The following REG1A variants were observed in gnomAD, a reference collection of about 807,000 sequenced individuals.
The protein encoded by REG1A is regenerating family member 1 alpha, also known as lithostathine-1-alpha.
Under a neutral mutation model 20.7 loss-of-function variants are expected in REG1A, and 20 were observed. That is an observed-to-expected ratio of 0.97 (90% CI 0.68 to 1.41). The LOEUF is 1.41. REG1A is among the 40% of genes most tolerant of loss of function. The pLI, the probability that REG1A is intolerant of heterozygous loss-of-function variation, is 0.00. For synonymous variants in REG1A, 90 were observed against 71.6 expected, an observed-to-expected ratio of 1.26 and a Z score of -1.30; for missense variants, 193 against 201.8, an observed-to-expected ratio of 0.96 and a Z score of 0.26.
intron 4 of REG1A, 28 bp downstream of exon 4, chr2:79,122,153 A>G (rs753229424): frequency 6.2e-7 from 1 of 1,611,390 alleles, no homozygotes; most frequent in Admixed American, 1.7e-5. Flanking sequence ...TTATCTCCTA[A>G]TGATCAGGTT....
intron 2 of REG1A, 117 bp from the exon 3 acceptor site, chr2:79,121,445 C>A: frequency 1.3e-6 from 1 of 792,870 alleles, no homozygotes; most frequent in Non-Finnish European, 2.2e-6. Context: ...AGTGAGCAGT[C>A]ATCCCATAAT....
chr2:79,122,032 C>T lies in REG1A; in HGVS notation c.228C>T (p.Leu76=), dbSNP rs372040677. 3.7e-6 allele frequency: 6 copies of T among 1,614,088 alleles called. No individual in the cohort carries two copies. The South Asian group carries it at 4.4e-5, about 12-fold the overall frequency. Residue 76 remains leucine, a synonymous_variant, in exon 4 of 6, where the codon CTC becomes CTT. Transcript: ENST00000233735. ...ATTCGGGCAACCTGGTGTCTGTGCT[C>T]ACCCAGGCCGAGGGTGCCTTTGTGG... ...NMNSGNLVSV[L]TQAEGAFVAS... is the part of the protein sequence containing the mutation.
chr2:79,123,130 C>T lies in REG1A; in HGVS notation c.434-18C>T, dbSNP rs283892. On this transcript the variant is annotated intron_variant, in intron 5 of 5. Transcript: ENST00000233735. ...TCTTTCGGGTCTCCCAGTTGTAACT[C>T]TTCTCATTGACTTATAGGATTCCAG... is the stretch of plus-strand genomic sequence containing the variant. 60,948 of 1,598,828 alleles carry T rather than the reference C, an allele frequency of 0.038. 1,383 individuals are homozygous for T. The highest frequency in any genetic ancestry group is 0.045 in the Non-Finnish European group (52,756 of 1,168,630).
chr2:79,120,621 A>C (rs1558546042), intron 1 of REG1A, 107 bp downstream of exon 1: 2 of 390,400 alleles, frequency 5.1e-6, no homozygotes, highest in Middle Eastern at 6.6e-4. Flanking sequence ...AGCTGTAATG[A>C]AGCCTCAGTG....
At position 79,121,690 on chromosome 2, in the gene REG1A, G is replaced by T. The variant is rs1056894300; in HGVS notation, c.183+10G>T. The T allele has an allele frequency of 1.2e-6, 2 of 1,611,634 alleles. No homozygotes were observed. The highest frequency in any genetic ancestry group is 4.5e-5 in the East Asian group (2 of 44,858). On this transcript the variant is annotated intron_variant, in intron 3 of 5. Coordinates refer to ENST00000233735, the MANE Select transcript of REG1A (RefSeq NM_002909.5). The stretch of plus-strand genomic sequence containing the variant: ...CTGGGTTGATGCAGATGTGAGTGAG[G>T]AGAGCAGTGTGGGAAGGGAGACTCA...
chr2:79,122,785 T>A, intron 4 of REG1A, 56 bp from the exon 5 acceptor site: 1 of 1,174,826 alleles, frequency 8.5e-7, no homozygotes, highest in Non-Finnish European at 1.3e-6. Flanking sequence ...ACAGGCCCAG[T>A]GATTCCATGT....
At position 79,123,141 on chromosome 2, in the gene REG1A, C is replaced by A; in HGVS notation, c.434-7C>A. On this transcript the variant is annotated splice_region_variant and splice_polypyrimidine_tract_variant and intron_variant, in intron 5 of 5. Coordinates refer to ENST00000233735, the MANE Select transcript of REG1A (RefSeq NM_002909.5). ...TCCCAGTTGTAACTCTTCTCATTGA[C>A]TTATAGGATTCCAGAAATGGAAGGA... 6.2e-7 allele frequency: 1 copy of A among 1,608,788 alleles called. No homozygotes were observed. Among genetic ancestry groups the A allele is most frequent in the Non-Finnish European group, 8.5e-7 (1 of 1,176,192 alleles).
Position 79,122,896 on chromosome 2 carries a change from T to C in REG1A, c.377T>C (p.Ile126Thr). ...CTGGTCTCCTACAAGTCCTGGGGCA[T>C]TGGAGCCCCAAGCAGTGTTAATCCT... Reference protein sequence around the residue: ...GSLVSYKSWGIGAPSSVNPGY... With the variant: ...GSLVSYKSWGTGAPSSVNPGY... The change falls in exon 5 of 6, where the codon ATT becomes ACT. Residue 126 changes from isoleucine to threonine, a missense_variant. Physicochemically the swap from Ile to Thr is moderately conservative, Grantham distance 89. Coordinates refer to ENST00000233735, the MANE Select transcript of REG1A (RefSeq NM_002909.5). 1 of 1,613,978 alleles carries C rather than the reference T, an allele frequency of 6.2e-7. No homozygotes were observed. The highest frequency in any genetic ancestry group is 1.1e-5 in the South Asian group (1 of 91,082).
rs147708865 is a variant in REG1A, at chr2:79,123,168, G to A, written c.454G>A (p.Val152Met). 4.2e-5 allele frequency: 68 copies of A among 1,613,198 alleles called. No individual in the cohort carries two copies. In the African/African-American group the frequency reaches 8.4e-4, roughly 20 times the overall value. The change falls in exon 6 of 6, where the codon GTG becomes ATG. Residue 152 changes from valine (V) to methionine (M), a missense_variant. Coordinates refer to ENST00000233735, the MANE Select transcript of REG1A (RefSeq NM_002909.5). ...SSTGFQKWKD[V>M]PCEDKFSFVC... ...TATAGGATTCCAGAAATGGAAGGAT[G>A]TGCCTTGTGAAGACAAGTTCTCCTT...
intron 1 of REG1A, 71 bp from the exon 2 acceptor site, chr2:79,120,745 A>G: frequency 1.5e-6 from 1 of 651,128 alleles, no homozygotes; most frequent in Non-Finnish European, 2.4e-6. Context: ...TTCTGAGAGG[A>G]GGTTTTAAGG....
At chr2:79,121,726 G>A (rs1417893319) in intron 3 of REG1A, 46 bp downstream of exon 3, 4 of 1,557,586 alleles carry the variant, frequency 2.6e-6, no homozygotes, top group Non-Finnish European at 3.5e-6. Flanking sequence ...TGAAGGGAGG[G>A]GAAGCTGCCA....
In REG1A at chr2:79,122,081, A is replaced by G. The variant is rs1346004587; in HGVS notation, c.277A>G (p.Thr93Ala). ...GGCCTCACTGATTAAGGAGAGTGGC[A>G]CTGATGACTTCAATGTCTGGATTGG... The part of the protein sequence containing the change: ...FVASLIKESG[T>A]DDFNVWIGLH... Residue 93 changes from threonine to alanine, a missense_variant, in exon 4 of 6, where the codon ACT becomes GCT. Physicochemically the swap from Thr to Ala is moderately conservative, Grantham distance 58. Coordinates refer to ENST00000233735, the MANE Select transcript of REG1A (RefSeq NM_002909.5). The G allele has an allele frequency of 6.2e-7, 1 of 1,614,112 alleles. No homozygotes were observed. Among genetic ancestry groups the G allele is most frequent in the East Asian group, 2.2e-5 (1 of 44,882 alleles).
intron 3 of REG1A, 145 bp downstream of exon 3, chr2:79,121,825 C>T (rs1672890634): frequency 3.0e-6 from 4 of 1,328,408 alleles, no homozygotes; most frequent in South Asian, 1.2e-5. Context: ...TCTACTTTAT[C>T]CCATTATTCA....
chr2:79,122,243 G>A (rs1672898146), intron 4 of REG1A, 118 bp downstream of exon 4: 3 of 1,140,814 alleles, frequency 2.6e-6, no homozygotes, highest in Non-Finnish European at 3.7e-6. Context: ...GCTGTTTACA[G>A]ATCCTCTAAT....
rs1229690350 is a variant in REG1A, at chr2:79,123,137, T to C, written c.434-11T>C. ...GGTCTCCCAGTTGTAACTCTTCTCA[T>C]TGACTTATAGGATTCCAGAAATGGA... is the stretch of plus-strand genomic sequence containing the variant. On this transcript the variant is annotated splice_polypyrimidine_tract_variant and intron_variant, in intron 5 of 5. Transcript: ENST00000233735. 2.5e-6 allele frequency: 4 copies of C among 1,604,832 alleles called. No individual in the cohort carries two copies. Among genetic ancestry groups the C allele is most frequent in the South Asian group, 1.1e-5 (1 of 90,442 alleles).
At chr2:79,123,116 T>C in intron 5 of REG1A, 32 bp from the exon 6 acceptor site, 1 of 1,572,314 alleles carries the variant, frequency 6.4e-7, no homozygotes, top group South Asian at 1.1e-5. Context: ...CTTTCGGGTC[T>C]CCCAGTTGTA....
At position 79,122,094 on chromosome 2, in the gene REG1A, A is replaced by G. The variant is rs149309198; in HGVS notation, c.290A>G (p.Asn97Ser). The change falls in exon 4 of 6, where the codon AAT becomes AGT. Residue 97 changes from asparagine (N) to serine (S), a missense_variant. Transcript: ENST00000233735. ...AAGGAGAGTGGCACTGATGACTTCAATGTCTGGATTGGCCTCCATGACCCC... is the reference window on the plus strand; with the variant it reads ...AAGGAGAGTGGCACTGATGACTTCAGTGTCTGGATTGGCCTCCATGACCCC... ...LIKESGTDDF[N>S]VWIGLHDPKK... 7 of 1,614,042 alleles carry G rather than the reference A, an allele frequency of 4.3e-6. No homozygotes were observed. Among genetic ancestry groups the G allele is most frequent in the South Asian group, 3.3e-5 (3 of 91,088 alleles).
At chr2:79,121,940 C>T (rs781768636) in intron 3 of REG1A, 48 bp from the exon 4 acceptor site, 33 of 1,605,850 alleles carry the variant, frequency 2.1e-5, no homozygotes, top group African/African-American at 2.7e-5. Flanking sequence ...TCAGTATATC[C>T]GTCACAACTT....
chr2:79,121,581 G>C lies in REG1A; in HGVS notation c.84G>C (p.Glu28Asp). 6.2e-7 allele frequency: 1 copy of C among 1,614,098 alleles called. No homozygotes were observed. Among genetic ancestry groups the C allele is most frequent in the Non-Finnish European group, 8.5e-7 (1 of 1,179,980 alleles). The change falls in exon 3 of 6, where the codon GAG (glutamate) becomes GAC (aspartate). Residue 28 changes from glutamate (E) to aspartate (D), a missense_variant. Coordinates refer to ENST00000233735, the MANE Select transcript of REG1A (RefSeq NM_002909.5). ...SQSQGQEAQT[E>D]LPQARISCPE... Reference sequence around the variant, plus strand: ...TTTCAGGCCAAGAGGCCCAGACAGAGTTGCCCCAGGCCCGGATCAGCTGCC... The same window carrying C: ...TTTCAGGCCAAGAGGCCCAGACAGACTTGCCCCAGGCCCGGATCAGCTGCC...
Sources: gnomAD v4.1 joint callset for allele counts on GRCh38, gnomAD v4.1.1 for gene constraint, MANE v1.5 for transcripts, NCBI Gene and HGNC (gene_info 2026-07-23, HGNC 2026-07-21) for gene names.